EPB41L4A: variants seen among roughly 807,000 people sequenced by gnomAD.
EPB41L4A encodes band 4.1-like protein 4A.
EPB41L4A carries 100 observed loss-of-function variants against 108.6 expected under a neutral mutation model. The observed-to-expected ratio is 0.92, with a 90% CI of 0.78 to 1.09. EPB41L4A has a LOEUF of 1.09. Ranked by LOEUF, EPB41L4A falls within the 50% of genes least tolerant of loss-of-function variation. EPB41L4A has a pLI of 0.00. For missense variants in EPB41L4A, 1,030 were observed against 842.7 expected, an observed-to-expected ratio of 1.22 and a Z score of -2.75; for synonymous variants, 319 against 289.0, an observed-to-expected ratio of 1.10 and a Z score of -1.05.
At chr5:112,321,309 C>T (rs577916838) in intron 1 of EPB41L4A, among the ~76,000 whole-genome samples, 6 of 152,286 alleles carry the variant, frequency 3.9e-5, no homozygotes, top group African/African-American at 1.4e-4. Flanking sequence ...TGCTTTTCTT[C>T]TCACCTTTCC....
intron 18 of EPB41L4A, among the ~76,000 whole-genome samples, chr5:112,179,661 G>A (rs1761047623): frequency 6.6e-6 from 1 of 152,048 alleles, no homozygotes; most frequent in Non-Finnish European, 1.5e-5. Context: ...TTAGCAAACT[G>A]GAAATAGAAG....
chr5:112,369,869 A>G (rs1759375325), intron 1 of EPB41L4A, among the ~76,000 whole-genome samples: 1 of 152,212 alleles, frequency 6.6e-6, no homozygotes, highest in African/African-American at 2.4e-5. Context: ...ATTCACTCAG[A>G]TGAGCACTCC....
rs758978846 is a variant in EPB41L4A at position 112,418,916 on chromosome 5, G to A, written c.99+25C>T. The A allele has an allele frequency of 8.8e-6, 14 of 1,594,826 alleles. No individual in the cohort carries two copies. In the African/African-American group the frequency reaches 1.1e-4, roughly 12 times the overall value. ...CGCACCCGCCCTGCCGCCAACCCCC[G>A]GAACGCGCTCCGGGCCGCACCCACC... On this transcript the variant is annotated intron_variant, in intron 1 of 22. Transcript: ENST00000261486.
At chr5:112,361,985 C>T (rs567173897) in intron 1 of EPB41L4A, among the ~76,000 whole-genome samples, 1 of 152,260 alleles carries the variant, frequency 6.6e-6, no homozygotes, top group South Asian at 2.1e-4. Context: ...ATAAACCAAG[C>T]CATTGATATA....
intron 14 of EPB41L4A, 84 bp from the exon 15 acceptor site, chr5:112,204,572 C>T (rs867096682): frequency 1.3e-6 from 1 of 784,968 alleles, no homozygotes; most frequent in Non-Finnish European, 2.2e-6. Flanking sequence ...TTCATAACTG[C>T]ACAGCTGGTA....
chr5:112,406,451 C>A (rs1168794590), intron 1 of EPB41L4A, among the ~76,000 whole-genome samples: 1 of 152,102 alleles, frequency 6.6e-6, no homozygotes, highest in East Asian at 1.9e-4. Context: ...AAATGCAGTG[C>A]AATAAGTATC....
intron 1 of EPB41L4A, among the ~76,000 whole-genome samples, chr5:112,385,816 A>C (rs534082556): frequency 3.9e-5 from 6 of 152,314 alleles, no homozygotes; most frequent in African/African-American, 1.4e-4. Flanking sequence ...AGAGATAATA[A>C]GGTTTCAGTC....
Position 112,419,086 on chromosome 5 carries a change from C to T in EPB41L4A, c.-47G>A, listed in dbSNP as rs1002461474. On this transcript the variant is annotated 5_prime_UTR_variant, in exon 1 of 23. Transcript: ENST00000261486. Reference sequence around the variant, plus strand: ...CCAGGAGAGAAAGCTACCACCGAGGCGCCCAGCCGCCCCCTCCACTCAAGC... The same window carrying T: ...CCAGGAGAGAAAGCTACCACCGAGGTGCCCAGCCGCCCCCTCCACTCAAGC... The T allele has an allele frequency of 2.1e-6, 3 of 1,409,410 alleles. No homozygotes were observed. Among genetic ancestry groups the T allele is most frequent in the African/African-American group, 2.8e-5 (2 of 70,256 alleles). 87.3% of individuals were successfully genotyped at this position (1,409,410 alleles called of 1,614,324 possible).
intron 12 of EPB41L4A, chr5:112,228,794 C>CT: frequency 1.0e-6 from 1 of 964,836 alleles, no homozygotes; most frequent in Non-Finnish European, 1.2e-6. Context: ...TTTACCCAAG[C>CT]TCCTCTGAGG....
intron 2 of EPB41L4A, among the ~76,000 whole-genome samples, chr5:112,286,643 C>T (rs1250773188): frequency 6.6e-6 from 1 of 152,200 alleles, no homozygotes; most frequent in Non-Finnish European, 1.5e-5. Context: ...TGTGGAGGAA[C>T]TGTCCATGTT....
chr5:112,261,316 A>G (rs192418204), intron 7 of EPB41L4A, among the ~76,000 whole-genome samples: 1 of 152,322 alleles, frequency 6.6e-6, no homozygotes, highest in East Asian at 1.9e-4. Flanking sequence ...AGCAAAAGAC[A>G]TATACAAAAT....
chr5:112,389,908 C>T (rs1417346173), intron 1 of EPB41L4A, among the ~76,000 whole-genome samples: 1 of 152,186 alleles, frequency 6.6e-6, no homozygotes, highest in African/African-American at 2.4e-5. Context: ...TCGGAGGCTA[C>T]ACAACCAGGG....
intron 2 of EPB41L4A, among the ~76,000 whole-genome samples, chr5:112,281,790 C>T (rs1223529241): frequency 1.3e-5 from 2 of 152,154 alleles, no homozygotes; most frequent in Non-Finnish European, 2.9e-5. Flanking sequence ...ACCCTTTATT[C>T]CTAATTATGA....
Position 112,194,653 on chromosome 5 carries a change from CA to C in EPB41L4A, c.1425-9del. The C allele has an allele frequency of 1.3e-6, 2 of 1,588,866 alleles. No individual in the cohort carries two copies. Among genetic ancestry groups the C allele is most frequent in the South Asian group, 1.2e-5 (1 of 86,570 alleles). ...TTACAGCGTGAACGTGACCTGAAGA[CA>C]AAAAGGTAAGAACAAAAGAAAAAAC... On this transcript the variant is annotated splice_polypyrimidine_tract_variant and intron_variant, in intron 16 of 22. Transcript: ENST00000261486.
intron 3 of EPB41L4A, among the ~76,000 whole-genome samples, chr5:112,279,871 A>T (rs1279466781): frequency 6.6e-6 from 1 of 152,092 alleles, no homozygotes; most frequent in Non-Finnish European, 1.5e-5. Context: ...TGAATGGCAA[A>T]ACCATGCCAT....
At chr5:112,326,827 A>G (rs1031036884) in intron 1 of EPB41L4A, among the ~76,000 whole-genome samples, 2 of 152,186 alleles carry the variant, frequency 1.3e-5, no homozygotes, top group Non-Finnish European at 2.9e-5. Context: ...TAACTTCTAC[A>G]TTCAATCAAA....
chr5:112,338,679 A>G (rs1298271692), intron 1 of EPB41L4A, among the ~76,000 whole-genome samples: 1 of 152,170 alleles, frequency 6.6e-6, no homozygotes, highest in African/African-American at 2.4e-5. Context: ...ACATACACAC[A>G]TTGTGTATTT....
At chr5:112,332,016 A>G (rs1488960931) in intron 1 of EPB41L4A, among the ~76,000 whole-genome samples, 2 of 152,254 alleles carry the variant, frequency 1.3e-5, no homozygotes, top group African/African-American at 4.8e-5. Flanking sequence ...GCTCCCTCTC[A>G]GACCAAATGA....
chr5:112,174,973 G>A (rs1760786264), intron 18 of EPB41L4A, among the ~76,000 whole-genome samples: 1 of 152,084 alleles, frequency 6.6e-6, no homozygotes, highest in Admixed American at 6.6e-5. Flanking sequence ...AATCAAAGAA[G>A]CCTTAGGAAG....
Sources: allele counts gnomAD v4.1 joint callset (sites outside exome capture counted in the v4.1 genomes callset), GRCh38; gene constraint gnomAD v4.1.1; transcripts MANE v1.5; gene names NCBI Gene and HGNC (gene_info 2026-07-23, HGNC 2026-07-21).